PRDM15: variants seen among roughly 807,000 people sequenced by gnomAD.
PRDM15 encodes PR domain zinc finger protein 15.
PRDM15 carries 64 observed loss-of-function variants against 128.6 expected under a neutral mutation model. The ratio of observed to expected loss-of-function variants is 0.50; its 90% CI spans 0.41 to 0.61. The LOEUF (loss-of-function observed/expected upper bound fraction) is 0.61. PRDM15 is among the 20% of genes least tolerant of loss of function. PRDM15 has a pLI of 0.00. For missense variants in PRDM15, 1,242 were observed against 1,569.1 expected (o/e 0.79, Z 3.52); for synonymous variants, 615 against 621.8 (o/e 0.99, Z 0.16).
At chr21:41,876,981 A>G (rs2064441476) in intron 1 of PRDM15, among the ~76,000 whole-genome samples, 1 of 152,136 alleles carries the variant, frequency 6.6e-6, no homozygotes, top group African/African-American at 2.4e-5. Flanking sequence ...CAAGGCAGTC[A>G]GAAGAAAATC....
intron 1 of PRDM15, chr21:41,878,845 CGGGGCG>C: frequency 1.0e-6 from 1 of 996,726 alleles, no homozygotes; most frequent in South Asian, 4.5e-5. Context: ...GGCCGCGGGC[CGGGGCG>C]GCGAAGACCC....
At chr21:41,835,061 C>T (rs1049449234) in intron 11 of PRDM15, among the ~76,000 whole-genome samples, 4 of 152,128 alleles carry the variant, frequency 2.6e-5, no homozygotes, top group Non-Finnish European at 4.4e-5. Context: ...AAGCGAGGAG[C>T]GCTCACACTC....
At chr21:41,813,446 A>T (rs2146300234) in intron 19 of PRDM15, 1 of 152,674 alleles carries the variant, frequency 6.5e-6, no homozygotes, top group Middle Eastern at 3.4e-3. Flanking sequence ...CCCAAAGCAG[A>T]CCCGTGTGGC....
In PRDM15 at chr21:41,828,682, C is replaced by T. The variant is rs1346629812; in HGVS notation, c.1367-349G>A. Among the ~76,000 whole-genome samples the T allele has an allele frequency of 6.6e-6, 1 of 151,986 alleles. No individual in the cohort carries two copies. Among genetic ancestry groups the T allele is most frequent in the Admixed American group, 6.5e-5 (1 of 15,276 alleles). ...CAGTCCAAAGCTTCCCCTGGGCCTG[C>T]ACCCTCCACCCAGCATGACTGACTG... On this transcript the variant is annotated intron_variant, in intron 11 of 23. Coordinates refer to ENST00000398548, the MANE Select transcript of PRDM15 (RefSeq NM_001040424.3). The surrounding 1 kb of genome is among the most constrained non-coding windows in gnomAD (Gnocchi z 5.7).
Position 41,874,516 on chromosome 21 carries a change from TA to T in PRDM15, c.-10+4753del, listed in dbSNP as rs1235251474. On this transcript the variant is annotated intron_variant, in intron 1 of 23. Transcript: ENST00000398548. ...TAAGCAGCATGCATATATATATATATATATATATATTTTTTTTTTTTTTTGA... is the reference window on the plus strand; with the variant it reads ...TAAGCAGCATGCATATATATATATATTATATATATTTTTTTTTTTTTTTGA... Among the ~76,000 whole-genome samples the T allele has an allele frequency of 4.2e-3, 291 of 68,842 alleles. 1 individual carries two copies. The highest frequency in any genetic ancestry group is 0.011 in the African/African-American group (215 of 20,062). 45.2% of individuals were successfully genotyped at this position (68,842 alleles called of 152,430 possible).
At chr21:41,872,711 G>T (rs932024787) in intron 1 of PRDM15, among the ~76,000 whole-genome samples, 1 of 152,136 alleles carries the variant, frequency 6.6e-6, no homozygotes, top group Non-Finnish European at 1.5e-5. Context: ...CCATTGTGCG[G>T]GCCAGAGGTG....
chr21:41,822,996 C>T (rs532439611), intron 14 of PRDM15, among the ~76,000 whole-genome samples: 1 of 149,504 alleles, frequency 6.7e-6, no homozygotes, highest in East Asian at 2.0e-4. Flanking sequence ...TGCCATTGTA[C>T]TCCAGCCTGG....
intron 11 of PRDM15, among the ~76,000 whole-genome samples, chr21:41,830,082 C>T (rs1250042110): frequency 5.3e-5 from 8 of 151,032 alleles, no homozygotes; most frequent in African/African-American, 1.9e-4. Context: ...ACACCACATA[C>T]ATACTCAACA....
intron 1 of PRDM15, among the ~76,000 whole-genome samples, chr21:41,874,520 TA>T (rs376655125): frequency 0.024 from 1,811 of 76,778 alleles, 31 homozygotes; most frequent in African/African-American, 0.05. Context: ...TATATATATA[TA>T]TATATTTTTT....
chr21:41,879,241 G>A lies in PRDM15; in HGVS notation c.-10+29C>T. ...GGCCGGCGGGGCGCACGCCGGGGCG[G>A]GCGGCGGGCGCAGGGCCCGGAGCTT... On this transcript the variant is annotated intron_variant, in intron 1 of 23. Coordinates refer to ENST00000398548, the MANE Select transcript of PRDM15 (RefSeq NM_001040424.3). The surrounding 1 kb of genome is among the most constrained non-coding windows in gnomAD (Gnocchi z 5.1). The A allele has an allele frequency of 2.2e-6, 2 of 893,812 alleles. No individual in the cohort carries two copies. The highest frequency in any genetic ancestry group is 2.7e-6 in the Non-Finnish European group (2 of 742,740). 55.4% of individuals were successfully genotyped at this position (893,812 alleles called of 1,614,324 possible). A position where few individuals can be genotyped will look rare whatever the true frequency, so the allele number is the denominator to read the frequency against.
At chr21:41,850,677 AG>A (rs959211373) in intron 5 of PRDM15, among the ~76,000 whole-genome samples, 3 of 152,150 alleles carry the variant, frequency 2.0e-5, no homozygotes, top group African/African-American at 7.2e-5. Context: ...GGCTGCAGTG[AG>A]CCACGATCAT....
intron 1 of PRDM15, 104 bp from the exon 2 acceptor site, chr21:41,860,476 A>G: frequency 1.0e-6 from 1 of 955,100 alleles, no homozygotes; most frequent in East Asian, 2.5e-5. Context: ...TAGATAGAGT[A>G]CAGTGGCAGG....
chr21:41,876,285 C>A (rs867695830), intron 1 of PRDM15, among the ~76,000 whole-genome samples: 3 of 152,310 alleles, frequency 2.0e-5, no homozygotes, highest in Non-Finnish European at 2.9e-5. Flanking sequence ...CTAATCAGTT[C>A]ACATAGCATG....
At chr21:41,838,212 CTG>C (rs1053154892) in intron 7 of PRDM15, 149 bp from the exon 8 acceptor site, 8 of 777,810 alleles carry the variant, frequency 1.0e-5, no homozygotes, top group South Asian at 2.1e-5. Context: ...AAAAAAAAAA[CTG>C]TCAATATTTT....
At chr21:41,805,661 G>A (rs2061537219) in intron 21 of PRDM15, among the ~76,000 whole-genome samples, 2 of 151,944 alleles carry the variant, frequency 1.3e-5, no homozygotes, top group African/African-American at 2.4e-5. Flanking sequence ...AAAGGACCCT[G>A]AGCAAAAGCA....
chr21:41,878,869 C>T, intron 1 of PRDM15: 1 of 957,496 alleles, frequency 1.0e-6, no homozygotes, highest in Non-Finnish European at 1.2e-6. Context: ...CCCTGCGCCG[C>T]GCCCACGGGC....
chr21:41,832,095 C>T lies in PRDM15; in HGVS notation c.1366+3342G>A, dbSNP rs1218113211. ...AGGCGTGCGTGTTTACAGTGCTGGA[C>T]GTTTTCATGATCACTTTAATGGCTA... On this transcript the variant is annotated intron_variant, in intron 11 of 23. Coordinates refer to ENST00000398548, the MANE Select transcript of PRDM15 (RefSeq NM_001040424.3). The surrounding 1 kb of genome is among the most constrained non-coding windows in gnomAD (Gnocchi z 4.2). Among the ~76,000 whole-genome samples, 8 of 152,186 alleles carry T rather than the reference C, an allele frequency of 5.3e-5. No homozygotes were observed. Among genetic ancestry groups the T allele is most frequent in the Non-Finnish European group, 1.0e-4 (7 of 68,038 alleles).
rs1185779922 is a variant in PRDM15 at position 41,836,479 on chromosome 21, A to G, written c.1172T>C (p.Val391Ala). Reference sequence around the variant, plus strand: ...CCTCGCGGACTCACCATGCGAGCGCACGTGCCTGCTCAGGTTGCTGCTGTT... The same window carrying G: ...CCTCGCGGACTCACCATGCGAGCGCGCGTGCCTGCTCAGGTTGCTGCTGTT... ...FQNSSNLSRH[V>A]RSHGDKLFKC... Residue 391 changes from valine (V) to alanine (A), a missense_variant, in exon 9 of 24, where the codon GTG becomes GCG. Around this residue, in one of 3 missense-constraint regions of PRDM15, gnomAD observed 612 missense variants for 717.0 expected, o/e 0.85. Transcript: ENST00000398548. 3 of 1,610,928 alleles carry G rather than the reference A, an allele frequency of 1.9e-6. No individual in the cohort carries two copies. Among genetic ancestry groups the G allele is most frequent in the Non-Finnish European group, 2.5e-6 (3 of 1,179,008 alleles).
Position 41,879,299 on chromosome 21 carries a change from G to T in PRDM15, c.-39C>A. ...CTTTGGAATGTGCAGAGCGGGATCG[G>T]ATCCGGACTCCGGGTTGCGATCCGC... On this transcript the variant is annotated 5_prime_UTR_variant, in exon 1 of 24. Coordinates refer to ENST00000398548, the MANE Select transcript of PRDM15 (RefSeq NM_001040424.3). The surrounding 1 kb of genome is among the most constrained non-coding windows in gnomAD (Gnocchi z 5.1). 9.2e-7 allele frequency: 1 copy of T among 1,084,800 alleles called. No homozygotes were observed. The allele number at this position is 1,084,800 out of a possible 1,614,324, so 67.2% of individuals were successfully genotyped here.
Sources: gnomAD v4.1 joint callset for allele counts (sites outside exome capture counted in the v4.1 genomes callset) on GRCh38, gnomAD v4.1.1 for gene constraint, gnomAD v4.1.1 regional missense constraint, Gnocchi (gnomAD v3.1) non-coding constraint, MANE v1.5 for transcripts, NCBI Gene and HGNC (gene_info 2026-07-23, HGNC 2026-07-21) for gene names.